Variants in RANBP2 observed in about 807,000 individuals in gnomAD.
RANBP2 encodes the protein RAN binding protein 2.
Under a neutral mutation model 303.6 loss-of-function variants are expected in RANBP2, and 57 were observed. That is an observed-to-expected ratio of 0.19 (90% confidence interval 0.15 to 0.23). The LOEUF (loss-of-function observed/expected upper bound fraction) is 0.23, where lower values mean the gene tolerates loss of function less well. Among genes scored for constraint, RANBP2 ranks in the 10% least tolerant of loss-of-function variants. The pLI is 1.00. For missense variants in RANBP2, 3,138 were observed against 3,780.8 expected, an observed-to-expected ratio of 0.83 and a Z score of 4.46; for synonymous variants, 1,167 against 1,301.5, an observed-to-expected ratio of 0.90 and a Z score of 2.23.
At chr2:109,097,058 C>G in the RANBP2 span, among the ~76,000 whole-genome samples, 3 of 152,142 alleles carry the variant, frequency 2.0e-5, no homozygotes, top group Admixed American at 2.0e-4. Flanking sequence ...GTAATCCCAG[C>G]ACTTTCAGAG....
the RANBP2 span, among the ~76,000 whole-genome samples, chr2:109,588,142 A>G: frequency 6.6e-6 from 1 of 152,082 alleles, no homozygotes; most frequent in African/African-American, 2.4e-5. Flanking sequence ...TTCTACAGCC[A>G]ATGAAAACAT....
In RANBP2 at chr2:108,766,654, C is replaced by G; in HGVS notation, c.6115C>G (p.Arg2039Gly). 3.7e-6 allele frequency: 6 copies of G among 1,611,864 alleles called. No homozygotes were observed. Among genetic ancestry groups the G allele is most frequent in the Non-Finnish European group, 4.2e-6 (5 of 1,179,840 alleles). Residue 2039 changes from arginine (R) to glycine (G), a missense_variant, in exon 20 of 29, where the codon CGG (arginine) becomes GGG (glycine). Physicochemically the swap from Arg to Gly is moderately radical, Grantham distance 125. This residue lies in a region of RANBP2 where 348 missense variants were observed against 360.4 expected (regional missense o/e 0.97). Transcript: ENST00000283195. Reference sequence around the variant, plus strand: ...AGATGAAAAAGTTCTGTATTCACAGCGGGTAAAACTATTTAGATTTGATGC... The same window carrying G: ...AGATGAAAAAGTTCTGTATTCACAGGGGGTAAAACTATTTAGATTTGATGC... ...EEDEKVLYSQ[R>G]VKLFRFDAEV...
chr2:109,611,682 G>T, the RANBP2 span, among the ~76,000 whole-genome samples: 1 of 152,062 alleles, frequency 6.6e-6, no homozygotes, highest in Non-Finnish European at 1.5e-5. Flanking sequence ...GATCGCTTGA[G>T]CCCAGGAGAT....
At chr2:109,022,863 C>T in the RANBP2 span, among the ~76,000 whole-genome samples, 1 of 152,030 alleles carries the variant, frequency 6.6e-6, no homozygotes, top group Non-Finnish European at 1.5e-5. Context: ...CCAGCCTGAC[C>T]AATATGGTGA....
At chr2:109,411,197 C>A in the RANBP2 span, among the ~76,000 whole-genome samples, 1 of 152,150 alleles carries the variant, frequency 6.6e-6, no homozygotes, top group Non-Finnish European at 1.5e-5. Flanking sequence ...AGGGGAGAGG[C>A]GCCATTGGTT....
chr2:109,326,409 A>G, the RANBP2 span, among the ~76,000 whole-genome samples: 12 of 152,166 alleles, frequency 7.9e-5, no homozygotes, highest in African/African-American at 2.2e-4. Flanking sequence ...GGAGAATACT[A>G]TGTTCTTTGG....
At chr2:109,466,068 A>C in the RANBP2 span, among the ~76,000 whole-genome samples, 1 of 140,248 alleles carries the variant, frequency 7.1e-6, no homozygotes. Context: ...TGCTACCTGT[A>C]CATCTTTTTT....
the RANBP2 span, chr2:108,791,844 T>C: frequency 6.6e-7 from 1 of 1,521,214 alleles, no homozygotes; most frequent in Non-Finnish European, 8.9e-7. Flanking sequence ...GTAGTAACTT[T>C]GTCAAGTAGA....
chr2:109,716,018 T>A, the RANBP2 span, among the ~76,000 whole-genome samples: 1 of 152,184 alleles, frequency 6.6e-6, no homozygotes, highest in Non-Finnish European at 1.5e-5. Context: ...TTGCCAAAGT[T>A]AAGGACGCGC....
the RANBP2 span, among the ~76,000 whole-genome samples, chr2:109,521,449 G>A: frequency 6.6e-6 from 1 of 152,196 alleles, no homozygotes; most frequent in East Asian, 1.9e-4. Context: ...CCACCGAGCT[G>A]GGGCATGGGC....
At chr2:109,638,150 A>G in the RANBP2 span, among the ~76,000 whole-genome samples, 1 of 152,212 alleles carries the variant, frequency 6.6e-6, no homozygotes, top group African/African-American at 2.4e-5. Context: ...AGGATAAAGT[A>G]AATGTGGCAA....
chr2:109,411,831 C>T, the RANBP2 span, among the ~76,000 whole-genome samples: 1 of 152,236 alleles, frequency 6.6e-6, no homozygotes, highest in Admixed American at 6.5e-5. Flanking sequence ...CTCTTCATTC[C>T]AGCTCTAAGT....
At chr2:108,919,516 G>A in the RANBP2 span, among the ~76,000 whole-genome samples, 10 of 152,006 alleles carry the variant, frequency 6.6e-5, no homozygotes, top group Admixed American at 2.0e-4. Flanking sequence ...GCACCACCAC[G>A]CCCAGCTAAT....
chr2:109,448,415 G>A, the RANBP2 span, among the ~76,000 whole-genome samples: 1 of 152,196 alleles, frequency 6.6e-6, no homozygotes, highest in Non-Finnish European at 1.5e-5. Flanking sequence ...AGTGGTGGGT[G>A]AGCAAGGAAA....
Position 108,763,410 on chromosome 2 carries a change from G to T in RANBP2, c.2871G>T (p.Arg957Ser). The change falls in exon 20 of 29, where the codon AGG becomes AGT. Residue 957 changes from arginine (R) to serine (S), a missense_variant. Arg to Ser is a moderately radical substitution (Grantham distance 110, BLOSUM62 -1). This residue lies in a region of RANBP2 where 403 missense variants were observed against 376.7 expected (regional missense o/e 1.07). Coordinates refer to ENST00000283195, the MANE Select transcript of RANBP2 (RefSeq NM_006267.5). The part of the protein sequence containing the change: ...ESPATGILSP[R>S]GDDYFNYNVQ... Reference sequence around the variant, plus strand: ...CTGCAACGGGAATTCTATCGCCCAGGGGTGATGATTACTTTAATTACAATG... The same window carrying T: ...CTGCAACGGGAATTCTATCGCCCAGTGGTGATGATTACTTTAATTACAATG... The T allele has an allele frequency of 6.2e-7, 1 of 1,613,946 alleles. No homozygotes were observed. Among genetic ancestry groups the T allele is most frequent in the Non-Finnish European group, 8.5e-7 (1 of 1,179,974 alleles).
the RANBP2 span, among the ~76,000 whole-genome samples, chr2:108,959,826 T>C: frequency 6.6e-6 from 1 of 152,076 alleles, no homozygotes; most frequent in Non-Finnish European, 1.5e-5. Context: ...TTTCCACAGG[T>C]CTCTCAAGAA....
the RANBP2 span, among the ~76,000 whole-genome samples, chr2:109,408,675 G>A: frequency 6.6e-6 from 1 of 152,212 alleles, no homozygotes; most frequent in African/African-American, 2.4e-5. Flanking sequence ...ATGGATAGAC[G>A]GACACACTGA....
chr2:109,510,022 G>A, the RANBP2 span, among the ~76,000 whole-genome samples: 35 of 152,314 alleles, frequency 2.3e-4, no homozygotes, highest in African/African-American at 6.7e-4. Context: ...GAGGGTGTCC[G>A]GGTCTTATCT....
the RANBP2 span, among the ~76,000 whole-genome samples, chr2:108,827,428 A>T: frequency 1.3e-5 from 2 of 152,232 alleles, no homozygotes; most frequent in African/African-American, 4.8e-5. Flanking sequence ...TGATATGAAA[A>T]CTTAATTGGA....
Sources: allele counts gnomAD v4.1 joint callset (sites outside exome capture counted in the v4.1 genomes callset), GRCh38; gene constraint gnomAD v4.1.1; regional missense constraint gnomAD v4.1.1; transcripts MANE v1.5; gene names NCBI Gene and HGNC (gene_info 2026-07-23, HGNC 2026-07-21).